SRGAP3: variants seen among roughly 807,000 people sequenced by gnomAD.
SRGAP3 encodes the protein SLIT-ROBO Rho GTPase-activating protein 3.
A neutral mutation model predicts 121.1 loss-of-function variants in SRGAP3; 39 were observed. The observed-to-expected ratio is 0.32, with a 90% confidence interval of 0.25 to 0.42. The LOEUF is 0.42. Among genes scored for constraint, SRGAP3 ranks in the 10% least tolerant of loss-of-function variants. SRGAP3 has a pLI of 1.00. For synonymous variants in SRGAP3, 601 were observed against 570.0 expected (o/e 1.05, Z -0.77); for missense variants, 1,213 against 1,470.6 (o/e 0.82, Z 2.86).
At chr3:9,183,977 G>A (rs937426545) in intron 1 of SRGAP3, among the ~76,000 whole-genome samples, 6 of 151,848 alleles carry the variant, frequency 4.0e-5, no homozygotes, top group Admixed American at 6.6e-5. Context: ...CAAGCTCCTC[G>A]CCTCCTCTTG....
chr3:9,015,947 A>C, intron 14 of SRGAP3: 1 of 589,076 alleles, frequency 1.7e-6, no homozygotes, highest in Non-Finnish European at 3.0e-6. Context: ...TGTAAAAATA[A>C]AATAATGAAC....
At chr3:9,294,728 G>GTGTGTGTGTGTC (rs1954924138) in intron 3 of SRGAP3, among the ~76,000 whole-genome samples, 1 of 151,500 alleles carries the variant, frequency 6.6e-6, no homozygotes, top group African/African-American at 2.4e-5. Flanking sequence ...GTGTGTGTGT[G>GTGTGTGTGTGTC]TGTGTGTGTG....
intron 1 of SRGAP3, chr3:9,194,206 A>C (rs2125144786): frequency 6.6e-6 from 1 of 152,354 alleles, no homozygotes; most frequent in Non-Finnish European, 1.5e-5. Flanking sequence ...CCTCTTTTAA[A>C]TCCTTTTCCA....
chr3:9,019,801 C>A (rs1046311352), intron 14 of SRGAP3, among the ~76,000 whole-genome samples: 1 of 152,228 alleles, frequency 6.6e-6, no homozygotes, highest in Non-Finnish European at 1.5e-5. Context: ...CTTGGCTGGG[C>A]AGCCTTGTGC....
At chr3:9,150,161 CAAGAGGGGGTCCCGAAA>C (rs1350698383) in intron 1 of SRGAP3, among the ~76,000 whole-genome samples, 11 of 151,872 alleles carry the variant, frequency 7.2e-5, no homozygotes, top group African/African-American at 2.7e-4. Context: ...CCAGGGAGAT[CAAGAGGGGGTCCCGAAA>C]GTAATGGCAT....
At position 9,306,914 on chromosome 3, in the gene SRGAP3, T is replaced by A. The variant is rs1430577809; in HGVS notation, n.442+19096A>T. ...TTTTCAAATACGTTCATAAGCGAGA[T>A]GTTTGTTTTTCAAATATTTATGTGT... On this transcript the variant is annotated intron_variant and non_coding_transcript_variant, in intron 3 of 3. Transcript: ENST00000490889. 3.3e-5 allele frequency among the ~76,000 whole-genome samples: 5 copies of A among 152,202 alleles called. 1 individual carries two copies. Among genetic ancestry groups the A allele is most frequent in the Admixed American group, 1.3e-4 (2 of 15,280 alleles).
intron 14 of SRGAP3, among the ~76,000 whole-genome samples, chr3:9,019,895 C>T (rs186217522): frequency 2.0e-4 from 31 of 152,274 alleles, no homozygotes; most frequent in Admixed American, 1.6e-3. Context: ...CACTGGAGGA[C>T]GTGAGAATGC....
At chr3:9,013,229 C>T in intron 17 of SRGAP3, 79 bp downstream of exon 17, 1 of 1,424,116 alleles carries the variant, frequency 7.0e-7, no homozygotes, top group African/African-American at 1.4e-5. Flanking sequence ...AGTAAGAAAA[C>T]TGAAGGGTTT....
chr3:9,285,177 A>G (rs758888111), intron 3 of SRGAP3, among the ~76,000 whole-genome samples: 9 of 152,142 alleles, frequency 5.9e-5, no homozygotes, highest in Non-Finnish European at 1.2e-4. Flanking sequence ...CAGGGCTAAA[A>G]TACTTCTCCC....
chr3:9,297,750 G>T (rs1459219159), intron 3 of SRGAP3, among the ~76,000 whole-genome samples: 1 of 152,030 alleles, frequency 6.6e-6, no homozygotes, highest in Non-Finnish European at 1.5e-5. Flanking sequence ...GCAAAAATTA[G>T]CTGGGCATTG....
chr3:9,085,951 A>C (rs1057263919), intron 3 of SRGAP3, among the ~76,000 whole-genome samples: 1 of 152,178 alleles, frequency 6.6e-6, no homozygotes, highest in Non-Finnish European at 1.5e-5. Context: ...CATCCTGTAC[A>C]TGTACCTCTG....
intron 1 of SRGAP3, among the ~76,000 whole-genome samples, chr3:9,171,742 AG>A (rs1244605362): frequency 6.6e-6 from 1 of 152,218 alleles, no homozygotes; most frequent in African/African-American, 2.4e-5. Flanking sequence ...CAGAGGTGAG[AG>A]GCTCTGATGG....
At chr3:9,096,937 G>A (rs1267207300) in intron 3 of SRGAP3, among the ~76,000 whole-genome samples, 36 of 61,308 alleles carry the variant, frequency 5.9e-4, no homozygotes, top group Non-Finnish European at 1.0e-3. Flanking sequence ...ACATTATTTT[G>A]TATATATATA....
intron 3 of SRGAP3, among the ~76,000 whole-genome samples, chr3:9,291,641 C>G (rs1366466873): frequency 6.6e-6 from 1 of 151,942 alleles, no homozygotes; most frequent in Non-Finnish European, 1.5e-5. Context: ...CACACGCACA[C>G]ACATTTGTTG....
intron 1 of SRGAP3, among the ~76,000 whole-genome samples, chr3:9,230,729 C>T (rs1953172884): frequency 6.6e-6 from 1 of 151,730 alleles, no homozygotes. Context: ...TAAAATTAGC[C>T]AGGCATGGTG....
intron 1 of SRGAP3, among the ~76,000 whole-genome samples, chr3:9,240,047 G>A (rs1228406274): frequency 6.6e-6 from 1 of 152,162 alleles, no homozygotes; most frequent in Admixed American, 6.5e-5. Flanking sequence ...AAGATTCCCA[G>A]AAGTCCTGGG....
At chr3:9,056,655 T>C (rs113641432) in intron 7 of SRGAP3, among the ~76,000 whole-genome samples, 190 of 152,328 alleles carry the variant, frequency 1.2e-3, no homozygotes, top group African/African-American at 4.4e-3. Context: ...AACTGGTTAA[T>C]TTCAAGGCAA....
intron 1 of SRGAP3, among the ~76,000 whole-genome samples, chr3:9,136,032 C>T (rs1575126103): frequency 6.6e-6 from 1 of 152,232 alleles, no homozygotes; most frequent in East Asian, 1.9e-4. Context: ...ACGCTGGGCA[C>T]CGAGCTAAGT....
At chr3:9,145,749 G>A (rs565332353) in intron 1 of SRGAP3, among the ~76,000 whole-genome samples, 1 of 152,302 alleles carries the variant, frequency 6.6e-6, no homozygotes, top group Admixed American at 6.5e-5. Context: ...GGAAGTAGGG[G>A]AGATGGTAGG....
Sources: gnomAD v4.1 joint callset for allele counts (sites outside exome capture counted in the v4.1 genomes callset) on GRCh38, gnomAD v4.1.1 for gene constraint, MANE v1.5 for transcripts, NCBI Gene and HGNC (gene_info 2026-07-23, HGNC 2026-07-21) for gene names.